Variants in ZFHX3 observed in about 807,000 individuals in gnomAD.
ZFHX3 encodes zinc finger homeobox protein 3.
Under a neutral mutation model 279.1 loss-of-function variants are expected in ZFHX3, and 42 were observed. That is an observed-to-expected ratio of 0.15 (90% CI 0.12 to 0.19). ZFHX3 has a LOEUF of 0.19. Ranked by LOEUF, ZFHX3 falls within the 10% of genes least tolerant of loss-of-function variation. The pLI, the probability that ZFHX3 is intolerant of heterozygous loss-of-function variation, is 1.00. For missense variants in ZFHX3, 4,981 were observed against 4,754.0 expected (o/e 1.05, Z -1.40); for synonymous variants, 2,293 against 1,957.8 (o/e 1.17, Z -4.52).
intron 2 of ZFHX3, among the ~76,000 whole-genome samples, chr16:73,507,485 CTTTTTTTTTTTTTTT>C: frequency 1.3e-5 from 1 of 79,790 alleles, no homozygotes; most frequent in South Asian, 5.2e-4. Context: ...AGCTCTGCCA[CTTTTTTTTTTTTTTT>C]TTTTTTTTTT....
intron 4 of ZFHX3, among the ~76,000 whole-genome samples, chr16:73,296,167 G>A (rs975064393): frequency 6.6e-6 from 1 of 151,858 alleles, no homozygotes; most frequent in African/African-American, 2.4e-5. Context: ...GTAGGCAATT[G>A]TTTCATATTA....
chr16:73,550,625 G>C (rs139845458), intron 2 of ZFHX3, among the ~76,000 whole-genome samples: 1 of 152,214 alleles, frequency 6.6e-6, no homozygotes, highest in South Asian at 2.1e-4. Flanking sequence ...GAAGTGGTCT[G>C]GCTCTACCAT....
rs576156203 is a variant in ZFHX3, at chr16:72,943,907, T to C, written c.3216+6562A>G. ...GCTGGTTAATAAAGGAAATACTATG[T>C]CGACATTAAAAAGAGTATCTACATG... is the stretch of plus-strand genomic sequence containing the variant. On this transcript the variant is annotated intron_variant, in intron 3 of 9. Coordinates refer to ENST00000268489, the MANE Select transcript of ZFHX3 (RefSeq NM_006885.4). 1.3e-3 allele frequency among the ~76,000 whole-genome samples: 196 copies of C among 152,328 alleles called. 2 individuals are homozygous for C. In the Middle Eastern group the frequency reaches 0.02, roughly 16 times the overall value.
At chr16:73,087,383 C>T (rs967245263) in intron 8 of ZFHX3, among the ~76,000 whole-genome samples, 2 of 152,202 alleles carry the variant, frequency 1.3e-5, no homozygotes, top group Non-Finnish European at 2.9e-5. Context: ...GCTTTTCAGG[C>T]TAACTCCAGG....
At chr16:73,006,799 G>C (rs1963719757) in intron 1 of ZFHX3, among the ~76,000 whole-genome samples, 1 of 152,122 alleles carries the variant, frequency 6.6e-6, no homozygotes, top group Non-Finnish European at 1.5e-5. Context: ...GGATAGTCAA[G>C]TCCCTGATAT....
chr16:73,345,455 C>T (rs57612335), intron 3 of ZFHX3, among the ~76,000 whole-genome samples: 15,489 of 147,656 alleles, frequency 0.1, 1,940 homozygotes, highest in East Asian at 0.33. Flanking sequence ...TGTGTTCTCA[C>T]TCTTCAGCTC....
chr16:73,875,158 T>C (rs2029908975), intron 1 of ZFHX3, among the ~76,000 whole-genome samples: 1 of 152,176 alleles, frequency 6.6e-6, no homozygotes, highest in Non-Finnish European at 1.5e-5. Flanking sequence ...TAACATAAAA[T>C]ATTTAGTTTC....
intron 3 of ZFHX3, among the ~76,000 whole-genome samples, chr16:72,928,193 GA>G (rs1567588644): frequency 2.2e-5 from 1 of 44,946 alleles, no homozygotes; most frequent in African/African-American, 1.0e-4. Context: ...GAGGGAGGGG[GA>G]GGGGAGCGAG....
At chr16:73,260,711 A>C in intron 4 of ZFHX3, among the ~76,000 whole-genome samples, 1 of 92,318 alleles carries the variant, frequency 1.1e-5, no homozygotes, top group Admixed American at 1.7e-4. Context: ...TTTTTTTGAG[A>C]TGGAGCTTTG....
At chr16:73,249,347 G>A (rs1347001047) in intron 5 of ZFHX3, among the ~76,000 whole-genome samples, 3 of 152,140 alleles carry the variant, frequency 2.0e-5, no homozygotes, top group Non-Finnish European at 4.4e-5. Flanking sequence ...TGCTAATAAA[G>A]ACATACCCAA....
intron 1 of ZFHX3, among the ~76,000 whole-genome samples, chr16:73,780,889 A>G (rs1302549402): frequency 6.6e-6 from 1 of 152,236 alleles, no homozygotes; most frequent in Non-Finnish European, 1.5e-5. Flanking sequence ...TACTATTCAA[A>G]GGCTGCTTTT....
chr16:73,393,323 C>T (rs944157538), intron 3 of ZFHX3, among the ~76,000 whole-genome samples: 2 of 152,158 alleles, frequency 1.3e-5, no homozygotes, highest in African/African-American at 4.8e-5. Context: ...TTGTCAGTCT[C>T]AATGGGCTGA....
intron 3 of ZFHX3, among the ~76,000 whole-genome samples, chr16:73,433,265 C>G (rs951106267): frequency 6.6e-6 from 1 of 152,208 alleles, no homozygotes; most frequent in Admixed American, 6.5e-5. Context: ...GCCCTCCACC[C>G]CCTTGTTCTC....
At chr16:72,954,366 A>G (rs1437634293) in intron 2 of ZFHX3, among the ~76,000 whole-genome samples, 3 of 152,172 alleles carry the variant, frequency 2.0e-5, no homozygotes, top group Non-Finnish European at 2.9e-5. Flanking sequence ...GTGAAACTCC[A>G]TCTCAAAAAA....
chr16:72,938,515 C>T (rs1441987527), intron 3 of ZFHX3, among the ~76,000 whole-genome samples: 1 of 152,244 alleles, frequency 6.6e-6, no homozygotes, highest in South Asian at 2.1e-4. Context: ...CGGGAGGCAG[C>T]GGGAAGGGAG....
intron 1 of ZFHX3, among the ~76,000 whole-genome samples, chr16:73,883,709 T>TTA (rs1244299961): frequency 1.3e-5 from 2 of 151,846 alleles, no homozygotes; most frequent in Admixed American, 6.6e-5. Context: ...GTGAATATTT[T>TTA]TATAAAAAAG....
At chr16:73,471,336 A>G (rs1179612144) in intron 2 of ZFHX3, among the ~76,000 whole-genome samples, 1 of 152,202 alleles carries the variant, frequency 6.6e-6, no homozygotes, top group Non-Finnish European at 1.5e-5. Context: ...AGATTAGCCA[A>G]GGTAGGCTAT....
chr16:73,454,045 G>T (rs2018328792), intron 3 of ZFHX3, among the ~76,000 whole-genome samples: 1 of 152,088 alleles, frequency 6.6e-6, no homozygotes. Context: ...TCACCCTGAG[G>T]CATCCCAGCT....
intron 3 of ZFHX3, among the ~76,000 whole-genome samples, chr16:73,360,819 G>C (rs1005331294): frequency 2.6e-5 from 4 of 152,120 alleles, no homozygotes; most frequent in African/African-American, 9.7e-5. Flanking sequence ...CTTACATTAA[G>C]TCTTTGCAAG....
Sources: allele counts gnomAD v4.1 joint callset (sites outside exome capture counted in the v4.1 genomes callset), GRCh38; gene constraint gnomAD v4.1.1; transcripts MANE v1.5; gene names NCBI Gene and HGNC (gene_info 2026-07-23, HGNC 2026-07-21).